MEGF10: variants seen among roughly 807,000 people sequenced by gnomAD.
The protein encoded by MEGF10 is multiple epidermal growth factor-like domains protein 10.
A neutral mutation model predicts 147.5 loss-of-function variants in MEGF10; 86 were observed. That is an observed-to-expected ratio of 0.58 (90% CI 0.49 to 0.70). The LOEUF (loss-of-function observed/expected upper bound fraction) is 0.70, where lower values mean the gene tolerates loss of function less well. Among genes scored for constraint, MEGF10 ranks in the 30% least tolerant of loss-of-function variants. The pLI, the probability that MEGF10 is intolerant of heterozygous loss-of-function variation, is 0.00. For missense variants in MEGF10, 1,329 were observed against 1,487.3 expected (o/e 0.89, Z 1.75); for synonymous variants, 478 against 525.5 (o/e 0.91, Z 1.24).
chr5:127,268,874 C>A, the MEGF10 span, among the ~76,000 whole-genome samples: 1 of 152,208 alleles, frequency 6.6e-6, no homozygotes, highest in East Asian at 1.9e-4. Flanking sequence ...CAGCCAGGTA[C>A]CCCTTTGAGA....
intron 7 of MEGF10, among the ~76,000 whole-genome samples, chr5:127,401,737 A>G (rs980470366): frequency 1.3e-5 from 2 of 152,216 alleles, no homozygotes; most frequent in African/African-American, 4.8e-5. Flanking sequence ...TGAAGAAGAA[A>G]ACAAGAGTAT....
upstream of MEGF10, among the ~76,000 whole-genome samples, chr5:127,287,661 G>A (rs1759070653): frequency 6.6e-6 from 1 of 151,932 alleles, no homozygotes; most frequent in Admixed American, 6.6e-5. Context: ...TCCTTAAATT[G>A]ATCAATGGAT....
At chr5:127,302,921 TA>T (rs1348433696) in intron 1 of MEGF10, among the ~76,000 whole-genome samples, 1 of 152,122 alleles carries the variant, frequency 6.6e-6, no homozygotes, top group Non-Finnish European at 1.5e-5. Flanking sequence ...GAGCTTTGTG[TA>T]ATCACAGAAG....
the MEGF10 span, among the ~76,000 whole-genome samples, chr5:127,247,482 G>A: frequency 6.0e-5 from 9 of 148,924 alleles, 1 homozygote; most frequent in East Asian, 1.6e-3. Context: ...AGAAGAAGAA[G>A]AAGAAAAATT....
chr5:127,254,651 A>C, the MEGF10 span, among the ~76,000 whole-genome samples: 1 of 151,824 alleles, frequency 6.6e-6, no homozygotes, highest in African/African-American at 2.4e-5. Context: ...TCTCTACTAA[A>C]AATACAAAAA....
chr5:127,325,460 G>C (rs1760976715), intron 1 of MEGF10, among the ~76,000 whole-genome samples: 2 of 152,082 alleles, frequency 1.3e-5, no homozygotes, highest in African/African-American at 4.8e-5. Context: ...CTGATGATGA[G>C]TGAATTACCA....
the MEGF10 span, among the ~76,000 whole-genome samples, chr5:127,254,682 A>G: frequency 6.6e-6 from 1 of 151,610 alleles, no homozygotes; most frequent in East Asian, 2.0e-4. Flanking sequence ...GTGGTGGTGC[A>G]TGCCTGTAAT....
chr5:127,313,505 G>T (rs1468372896), intron 1 of MEGF10, among the ~76,000 whole-genome samples: 1 of 152,180 alleles, frequency 6.6e-6, no homozygotes, highest in Admixed American at 6.5e-5. Context: ...TGTAATTTGT[G>T]TGTATTTAAC....
chr5:127,451,672 C>T (rs1766159793), intron 22 of MEGF10, among the ~76,000 whole-genome samples: 1 of 152,224 alleles, frequency 6.6e-6, no homozygotes, highest in African/African-American at 2.4e-5. Context: ...CTGTACTGGT[C>T]ACATGTAAAT....
Position 127,455,263 on chromosome 5 carries a change from A to T in MEGF10, c.3026-138A>T, listed in dbSNP as rs1483827910. On this transcript the variant is annotated intron_variant, in intron 23 of 24. Transcript: ENST00000503335. ...TTTTATAGCAGATTCTCTCCAAAACAAGTGGAAAAGGTACAGTATTATTTT... is the reference window on the plus strand; with the variant it reads ...TTTTATAGCAGATTCTCTCCAAAACTAGTGGAAAAGGTACAGTATTATTTT... The T allele has an allele frequency of 5.1e-6, 4 of 791,744 alleles. No individual in the cohort carries two copies. In the East Asian group the frequency reaches 9.8e-5, roughly 19 times the overall value. 49.0% of individuals were successfully genotyped at this position (791,744 alleles called of 1,614,324 possible).
the MEGF10 span, chr5:127,229,898 T>G: frequency 2.0e-5 from 3 of 152,096 alleles, no homozygotes; most frequent in African/African-American, 7.2e-5. Context: ...GTGTGCAAAG[T>G]ATGTGTTTTT....
chr5:127,430,743 A>G (rs1307279695), intron 13 of MEGF10, among the ~76,000 whole-genome samples: 1 of 152,098 alleles, frequency 6.6e-6, no homozygotes, highest in African/African-American at 2.4e-5. Context: ...AGGAAAGACA[A>G]CTCCACACCT....
chr5:127,391,623 C>T (rs2126909823), intron 5 of MEGF10, among the ~76,000 whole-genome samples: 1 of 151,372 alleles, frequency 6.6e-6, no homozygotes, highest in East Asian at 1.9e-4. Flanking sequence ...GGAGAGGCTA[C>T]CATTATCACT....
At position 127,445,594 on chromosome 5, in the gene MEGF10, A is replaced by C. The variant is rs762333863; in HGVS notation, c.2629A>C (p.Ile877Leu). ...LVVLFLLALFIIYRHKQKGKE... is the reference protein window; with the variant it reads ...LVVLFLLALFLIYRHKQKGKE... The stretch of plus-strand genomic sequence containing the variant: ...TGTTCTCTTCCTACTGGCATTGTTC[A>C]TTATTTATAGACACAAGCAGAAGGG... Residue 877 changes from isoleucine (I) to leucine (L), a missense_variant, in exon 20 of 25, where the codon ATT (isoleucine) becomes CTT (leucine). By Grantham distance (5) the Ile-to-Leu change is conservative. Transcript: ENST00000503335. 6.2e-7 allele frequency: 1 copy of C among 1,614,028 alleles called. No individual in the cohort carries two copies. Among genetic ancestry groups the C allele is most frequent in the Non-Finnish European group, 8.5e-7 (1 of 1,180,006 alleles).
At position 127,455,515 on chromosome 5, in the gene MEGF10, G is replaced by A. The variant is rs1386977065; in HGVS notation, c.3140G>A (p.Gly1047Asp). The change falls in exon 24 of 25, where the codon GGT becomes GAT. Residue 1047 changes from glycine to aspartate, a missense_variant. Transcript: ENST00000503335. The stretch of plus-strand genomic sequence containing the variant: ...CTTATCCCGAAAAGCTCAGAGTGTG[G>A]TTATGTGGAGATGAAATCGCCGGCA... ...PVLIPKSSECGYVEMKSPARR... is the reference protein window; with the variant it reads ...PVLIPKSSECDYVEMKSPARR... 1.2e-6 allele frequency: 2 copies of A among 1,613,990 alleles called. No individual in the cohort carries two copies. Among genetic ancestry groups the A allele is most frequent in the East Asian group, 2.2e-5 (1 of 44,874 alleles).
chr5:127,307,672 T>C (rs1368256580), intron 1 of MEGF10, among the ~76,000 whole-genome samples: 1 of 152,226 alleles, frequency 6.6e-6, no homozygotes, highest in Admixed American at 6.5e-5. Flanking sequence ...TCAAATTTTC[T>C]TCTATCCATG....
At chr5:127,367,089 G>A (rs918717307) in intron 4 of MEGF10, among the ~76,000 whole-genome samples, 10 of 152,104 alleles carry the variant, frequency 6.6e-5, no homozygotes, top group African/African-American at 2.4e-4. Context: ...CTCAATTGGT[G>A]TCATCCTGGA....
intron 13 of MEGF10, among the ~76,000 whole-genome samples, chr5:127,432,160 A>G (rs1002995473): frequency 1.4e-4 from 21 of 152,136 alleles, no homozygotes; most frequent in African/African-American, 4.8e-4. Flanking sequence ...TTTCTTGCCT[A>G]TTTAATGGCC....
chr5:127,424,631 C>A, intron 13 of MEGF10: 1 of 1,189,410 alleles, frequency 8.4e-7, no homozygotes, highest in Non-Finnish European at 1.1e-6. Flanking sequence ...TGTCTGAGAG[C>A]TACCTTGGGA....
Sources: allele counts gnomAD v4.1 joint callset (sites outside exome capture counted in the v4.1 genomes callset), GRCh38; gene constraint gnomAD v4.1.1; transcripts MANE v1.5; gene names NCBI Gene and HGNC (gene_info 2026-07-23, HGNC 2026-07-21).